INPP5B: variants seen among roughly 807,000 people sequenced by gnomAD.
INPP5B encodes type II inositol 1,4,5-trisphosphate 5-phosphatase.
A neutral mutation model predicts 118.5 loss-of-function variants in INPP5B; 90 were observed. That is an observed-to-expected ratio of 0.76 (90% CI 0.64 to 0.90). The LOEUF (loss-of-function observed/expected upper bound fraction) is 0.90, where lower values mean the gene tolerates loss of function less well. Among genes scored for constraint, INPP5B ranks in the 40% least tolerant of loss-of-function variants. INPP5B has a pLI of 0.00. For missense variants in INPP5B, 984 were observed against 1,125.6 expected, an observed-to-expected ratio of 0.87 and a Z score of 1.80; for synonymous variants, 385 against 418.9, an observed-to-expected ratio of 0.92 and a Z score of 0.99.
intron 6 of INPP5B, among the ~76,000 whole-genome samples, chr1:37,937,761 T>A (rs1377374084): frequency 1.3e-5 from 2 of 148,388 alleles, no homozygotes; most frequent in Non-Finnish European, 3.0e-5. Flanking sequence ...AGCCAGACTT[T>A]GTCTCAAAAA....
At chr1:37,868,370 T>A in intron 20 of INPP5B, 131 bp downstream of exon 20, 1 of 608,158 alleles carries the variant, frequency 1.6e-6, no homozygotes. Context: ...CATGGCATAC[T>A]ATCTATCCTT....
intron 7 of INPP5B, among the ~76,000 whole-genome samples, chr1:37,900,073 ATTT>A (rs34018622): frequency 2.4e-4 from 28 of 114,626 alleles, no homozygotes; most frequent in African/African-American, 8.2e-4. Flanking sequence ...TTTACCTTGA[ATTT>A]TTTTTTTTTT....
intron 6 of INPP5B, among the ~76,000 whole-genome samples, chr1:37,939,530 C>T (rs1385296327): frequency 4.7e-5 from 7 of 150,100 alleles, no homozygotes; most frequent in South Asian, 2.1e-4. Flanking sequence ...CTGCAAGCTC[C>T]GCCTCCTGGG....
In INPP5B at chr1:37,946,008, T is replaced by C. The variant is rs568641469; in HGVS notation, c.58-158A>G. Among the ~76,000 whole-genome samples the C allele has an allele frequency of 5.3e-5, 8 of 152,374 alleles. No homozygotes were observed. The South Asian group carries it at 1.4e-3, about 28-fold the overall frequency. On this transcript the variant is annotated intron_variant, in intron 2 of 23. Coordinates refer to ENST00000373024, the MANE Select transcript of INPP5B (RefSeq NM_005540.3). ...TGAACTAACAGACAAACAGGCTCTC[T>C]AAGCCTTCCTTATCTATGAAATGAG...
chr1:37,901,061 C>T (rs552877002), intron 7 of INPP5B, among the ~76,000 whole-genome samples: 10 of 152,316 alleles, frequency 6.6e-5, no homozygotes, highest in South Asian at 4.1e-4. Flanking sequence ...CCGCCTGCCT[C>T]GGCCTCTCAA....
At chr1:37,876,928 G>A (rs930378331) in intron 16 of INPP5B, among the ~76,000 whole-genome samples, 1 of 151,764 alleles carries the variant, frequency 6.6e-6, no homozygotes. Flanking sequence ...AGGCATGCCT[G>A]TAATCCTACC....
intron 19 of INPP5B, among the ~76,000 whole-genome samples, chr1:37,869,044 G>A (rs1569968257): frequency 6.6e-6 from 1 of 151,946 alleles, no homozygotes; most frequent in Non-Finnish European, 1.5e-5. Context: ...CCAGGCTGGA[G>A]TGCAATGGCA....
At chr1:37,938,306 A>AT (rs1491075440) in intron 6 of INPP5B, among the ~76,000 whole-genome samples, 8 of 96,236 alleles carry the variant, frequency 8.3e-5, no homozygotes, top group Admixed American at 6.9e-4. Flanking sequence ...AATAAATAAA[A>AT]TTAACATTAA....
intron 6 of INPP5B, among the ~76,000 whole-genome samples, chr1:37,939,456 T>G (rs1389708594): frequency 6.6e-6 from 1 of 150,612 alleles, no homozygotes; most frequent in Admixed American, 6.6e-5. Flanking sequence ...TTTTTGTTTT[T>G]TTTTTTTGAG....
At position 37,875,626 on chromosome 1, in the gene INPP5B, C is replaced by G. The variant is rs758689721; in HGVS notation, c.1768G>C (p.Val590Leu). 1.4e-5 allele frequency: 22 copies of G among 1,613,652 alleles called. No homozygotes were observed. The highest frequency in any genetic ancestry group is 1.6e-4 in the Middle Eastern group (1 of 6,084). The change falls in exon 17 of 24, where the codon GTG (valine) becomes CTG (leucine). Residue 590 changes from valine to leucine, a missense_variant. Coordinates refer to ENST00000373024, the MANE Select transcript of INPP5B (RefSeq NM_005540.3). Reference protein sequence around the residue: ...DKMENANIPSVSLSKREFCFQ... With the variant: ...DKMENANIPSLSLSKREFCFQ... ...CCTACCTCTCGCTTGGACAGGGACA[C>G]AGAAGGAATGTTGGCATTTTCCATC...
intron 15 of INPP5B, among the ~76,000 whole-genome samples, chr1:37,879,655 G>C (rs1387352100): frequency 6.6e-6 from 1 of 152,062 alleles, no homozygotes; most frequent in East Asian, 1.9e-4. Flanking sequence ...CTACTTGGGA[G>C]GATGAGGCAG....
chr1:37,945,807 C>G lies in INPP5B; in HGVS notation c.101G>C (p.Arg34Pro). 3.7e-6 allele frequency: 6 copies of G among 1,613,994 alleles called. No individual in the cohort carries two copies. Among genetic ancestry groups the G allele is most frequent in the Non-Finnish European group, 4.2e-6 (5 of 1,179,990 alleles). ...VLCEGDSRQSRLLGLVRYRLE... is the reference protein window; with the variant it reads ...VLCEGDSRQSPLLGLVRYRLE... ...GCGGTAGCGCACGAGTCCCAGGAGG[C>G]GGCTCTGCCGGCTGTCCCCCTCACA... Residue 34 changes from arginine to proline, a missense_variant, in exon 3 of 24, where the codon CGC becomes CCC. Physicochemically the swap from Arg to Pro is moderately radical, Grantham distance 103. Transcript: ENST00000373024.
intron 7 of INPP5B, among the ~76,000 whole-genome samples, chr1:37,896,735 G>A (rs1375795603): frequency 7.8e-6 from 1 of 127,790 alleles, no homozygotes. Context: ...GGGGGAGTCA[G>A]CCCCCCGCCC....
At chr1:37,919,525 C>T (rs1644982654) in intron 7 of INPP5B, among the ~76,000 whole-genome samples, 1 of 152,092 alleles carries the variant, frequency 6.6e-6, no homozygotes, top group Admixed American at 6.5e-5. Flanking sequence ...CAGGGCCTTA[C>T]ATACTAGCAA....
At chr1:37,872,062 TCAA>T (rs1642482908) in intron 19 of INPP5B, among the ~76,000 whole-genome samples, 2 of 22,522 alleles carry the variant, frequency 8.9e-5, no homozygotes, top group Middle Eastern at 0.036. Flanking sequence ...AGACTCCATC[TCAA>T]AAAAAAAAAA....
intron 7 of INPP5B, among the ~76,000 whole-genome samples, chr1:37,893,941 CT>C (rs1180551390): frequency 1.3e-5 from 2 of 152,196 alleles, no homozygotes; most frequent in South Asian, 2.1e-4. Flanking sequence ...GGTCAGTAAA[CT>C]TTTTCTGTAA....
chr1:37,925,047 G>T (rs933443113), intron 7 of INPP5B, among the ~76,000 whole-genome samples: 1 of 152,166 alleles, frequency 6.6e-6, no homozygotes, highest in African/African-American at 2.4e-5. Flanking sequence ...GTTAGCACAT[G>T]CCTGTAATCT....
intron 7 of INPP5B, among the ~76,000 whole-genome samples, chr1:37,898,141 T>C (rs1644192430): frequency 6.6e-6 from 1 of 152,198 alleles, no homozygotes; most frequent in Non-Finnish European, 1.5e-5. Context: ...GAATCTTAAA[T>C]GCATATTGCT....
chr1:37,932,862 A>G (rs1417296291), intron 6 of INPP5B, among the ~76,000 whole-genome samples: 1 of 152,106 alleles, frequency 6.6e-6, no homozygotes, highest in African/African-American at 2.4e-5. Flanking sequence ...TTACTATGAA[A>G]TATATCAAGA....
Sources: gnomAD v4.1 joint callset for allele counts (sites outside exome capture counted in the v4.1 genomes callset) on GRCh38, gnomAD v4.1.1 for gene constraint, MANE v1.5 for transcripts, NCBI Gene and HGNC (gene_info 2026-07-23, HGNC 2026-07-21) for gene names.